OPCML: variants seen among roughly 807,000 people sequenced by gnomAD.
OPCML encodes the protein opioid-binding protein/cell adhesion molecule.
Under a neutral mutation model 37.8 loss-of-function variants are expected in OPCML, and 13 were observed. That is an observed-to-expected ratio of 0.34 (90% CI 0.22 to 0.55). The LOEUF (loss-of-function observed/expected upper bound fraction) is 0.55, where lower values mean the gene tolerates loss of function less well. OPCML is among the 20% of genes least tolerant of loss of function. OPCML has a pLI of 0.91. For synonymous variants in OPCML, 176 were observed against 168.8 expected, an observed-to-expected ratio of 1.04 and a Z score of -0.33; for missense variants, 341 against 435.6, an observed-to-expected ratio of 0.78 and a Z score of 1.93.
intron 2 of OPCML, among the ~76,000 whole-genome samples, chr11:132,811,764 A>G (rs1939357549): frequency 6.6e-6 from 1 of 152,162 alleles, no homozygotes; most frequent in African/African-American, 2.4e-5. Context: ...GTCACTGCTC[A>G]CTAAGGGTTC....
intron 1 of OPCML, among the ~76,000 whole-genome samples, chr11:133,469,775 A>C (rs572383889): frequency 1.7e-4 from 26 of 150,556 alleles, no homozygotes; most frequent in African/African-American, 6.1e-4. Flanking sequence ...TTTATGAAAA[A>C]CCCCCAGGTT....
intron 4 of OPCML, among the ~76,000 whole-genome samples, chr11:132,475,246 C>T (rs927925682): frequency 3.3e-5 from 5 of 152,190 alleles, no homozygotes; most frequent in Admixed American, 6.5e-5. Flanking sequence ...TTCTCCTCTT[C>T]TCCTATTGCA....
At chr11:133,352,013 A>C (rs1944150665) in intron 1 of OPCML, among the ~76,000 whole-genome samples, 2 of 152,124 alleles carry the variant, frequency 1.3e-5, no homozygotes, top group South Asian at 2.1e-4. Flanking sequence ...CAGGTTTTGC[A>C]ACTGTTTCTC....
chr11:133,280,317 C>T (rs1241052204), intron 1 of OPCML, among the ~76,000 whole-genome samples: 3 of 152,118 alleles, frequency 2.0e-5, no homozygotes, highest in African/African-American at 7.2e-5. Flanking sequence ...TGTGAGAATA[C>T]AAACACCATT....
intron 1 of OPCML, among the ~76,000 whole-genome samples, chr11:133,091,936 G>C (rs1224361677): frequency 1.3e-5 from 2 of 152,180 alleles, no homozygotes. Flanking sequence ...AGGCGTAGGG[G>C]TGGAATTTTA....
chr11:133,390,197 G>T (rs1014402651), intron 1 of OPCML, among the ~76,000 whole-genome samples: 2 of 152,180 alleles, frequency 1.3e-5, no homozygotes, highest in Non-Finnish European at 2.9e-5. Flanking sequence ...GGTGGCTCAC[G>T]CCTGTAATCC....
intron 2 of OPCML, among the ~76,000 whole-genome samples, chr11:132,814,082 GA>G (rs1939495337): frequency 6.6e-6 from 1 of 152,224 alleles, no homozygotes; most frequent in African/African-American, 2.4e-5. Flanking sequence ...ACTAGTGAAT[GA>G]TGGATGAATG....
intron 3 of OPCML, among the ~76,000 whole-genome samples, chr11:132,553,325 T>G (rs2096386728): frequency 6.6e-6 from 1 of 152,198 alleles, no homozygotes; most frequent in Non-Finnish European, 1.5e-5. Context: ...GAAATAAAGT[T>G]GCTGATTTAA....
At chr11:132,545,117 C>T (rs1223047496) in intron 3 of OPCML, among the ~76,000 whole-genome samples, 1 of 152,010 alleles carries the variant, frequency 6.6e-6, no homozygotes, top group Non-Finnish European at 1.5e-5. Flanking sequence ...GGGAGGGTAA[C>T]AATTGCTTGT....
At chr11:133,307,676 T>C (rs1942960712) in intron 1 of OPCML, among the ~76,000 whole-genome samples, 1 of 152,276 alleles carries the variant, frequency 6.6e-6, no homozygotes, top group Admixed American at 6.5e-5. Flanking sequence ...AGGTTTTAGA[T>C]GTTCTTATCA....
chr11:132,613,195 A>T (rs1013380618), intron 3 of OPCML, among the ~76,000 whole-genome samples: 1 of 152,208 alleles, frequency 6.6e-6, no homozygotes, highest in Non-Finnish European at 1.5e-5. Context: ...GCCGATGGCC[A>T]CTATCCTGGA....
At chr11:133,062,218 G>A (rs980904017) in intron 1 of OPCML, among the ~76,000 whole-genome samples, 19 of 152,250 alleles carry the variant, frequency 1.2e-4, no homozygotes, top group Middle Eastern at 3.4e-3. Context: ...AGACTCTACC[G>A]CAAATGTGAT....
At chr11:132,749,039 G>C (rs1220157477) in intron 2 of OPCML, among the ~76,000 whole-genome samples, 1 of 152,130 alleles carries the variant, frequency 6.6e-6, no homozygotes, top group Non-Finnish European at 1.5e-5. Context: ...ATGTTTCTAG[G>C]AGGGGGTTGC....
At chr11:132,475,873 C>G (rs1322840634) in intron 4 of OPCML, among the ~76,000 whole-genome samples, 1 of 152,098 alleles carries the variant, frequency 6.6e-6, no homozygotes, top group Non-Finnish European at 1.5e-5. Context: ...GGTATATATA[C>G]AGATATTTCA....
chr11:132,992,136 A>T (rs1946792889), intron 1 of OPCML, among the ~76,000 whole-genome samples: 1 of 152,156 alleles, frequency 6.6e-6, no homozygotes, highest in African/African-American at 2.4e-5. Context: ...TTCACAAAAC[A>T]AGATAGAAGC....
At chr11:133,006,384 T>A in intron 1 of OPCML, 3 of 943,246 alleles carry the variant, frequency 3.2e-6, no homozygotes, top group Non-Finnish European at 2.5e-6. Context: ...TTCTTGGCCA[T>A]GGGACAAAGA....
At position 133,433,843 on chromosome 11, in the gene OPCML, G is replaced by A. The variant is rs1020701699; in HGVS notation, c.61+98421C>T. On this transcript the variant is annotated intron_variant, in intron 1 of 7. Coordinates refer to ENST00000524381, the MANE Select transcript of OPCML (RefSeq NM_001012393.5). ...TTCCCGGCCATTTTACCAGCTCCCA[G>A]GCTTTAGCTCATATCCACACAGAAT... Among the ~76,000 whole-genome samples the A allele has an allele frequency of 6.6e-5, 10 of 152,218 alleles. No individual in the cohort carries two copies. The South Asian group carries it at 8.3e-4, about 13-fold the overall frequency.
chr11:132,424,884 A>G (rs1014963765), intron 7 of OPCML, among the ~76,000 whole-genome samples: 5 of 152,112 alleles, frequency 3.3e-5, no homozygotes, highest in Non-Finnish European at 7.3e-5. Flanking sequence ...GTTCCAAAAT[A>G]TGTTGAACCT....
At chr11:133,058,839 A>G (rs1948288855) in intron 1 of OPCML, among the ~76,000 whole-genome samples, 1 of 152,238 alleles carries the variant, frequency 6.6e-6, no homozygotes, top group Non-Finnish European at 1.5e-5. Context: ...TTTACAGTCA[A>G]TAGATAGAAG....
Sources: allele counts gnomAD v4.1 joint callset (sites outside exome capture counted in the v4.1 genomes callset), GRCh38; gene constraint gnomAD v4.1.1; transcripts MANE v1.5; gene names NCBI Gene and HGNC (gene_info 2026-07-23, HGNC 2026-07-21).